MDGA2: variants seen among roughly 807,000 people sequenced by gnomAD.
MDGA2 encodes MAM domain containing glycosylphosphatidylinositol anchor 2.
Under a neutral mutation model 117.8 loss-of-function variants are expected in MDGA2, and 40 were observed. The observed-to-expected ratio is 0.34, with a 90% CI of 0.26 to 0.44. The LOEUF is 0.44. MDGA2 is among the 20% of genes least tolerant of loss of function. The probability of loss-of-function intolerance (pLI) is 1.00; values close to 1 mark genes in which losing one functional copy is unlikely to be tolerated. For missense variants in MDGA2, 1,123 were observed against 1,250.6 expected, an observed-to-expected ratio of 0.90 and a Z score of 1.54; for synonymous variants, 452 against 439.0, an observed-to-expected ratio of 1.03 and a Z score of -0.37.
chr14:47,574,214 A>G (rs1896072957), intron 1 of MDGA2, among the ~76,000 whole-genome samples: 1 of 152,174 alleles, frequency 6.6e-6, no homozygotes, highest in Admixed American at 6.5e-5. Context: ...TCCTTGCTGA[A>G]GATCAGCAAC....
At chr14:47,464,716 T>C (rs929003929) in intron 1 of MDGA2, among the ~76,000 whole-genome samples, 7 of 152,146 alleles carry the variant, frequency 4.6e-5, no homozygotes, top group Non-Finnish European at 1.0e-4. Flanking sequence ...TGCTCATTGA[T>C]AGGAATAATC....
intron 2 of MDGA2, among the ~76,000 whole-genome samples, chr14:47,234,462 T>C (rs949841176): frequency 6.6e-6 from 1 of 152,104 alleles, no homozygotes; most frequent in East Asian, 1.9e-4. Flanking sequence ...GATAAAAACC[T>C]AGGATCTCAG....
At chr14:47,177,083 A>G (rs1481790260) in intron 3 of MDGA2, among the ~76,000 whole-genome samples, 1 of 152,224 alleles carries the variant, frequency 6.6e-6, no homozygotes, top group Non-Finnish European at 1.5e-5. Context: ...AGAGAAATGC[A>G]AATCAAAACC....
intron 1 of MDGA2, among the ~76,000 whole-genome samples, chr14:47,400,957 C>T (rs112317298): frequency 0.11 from 16,386 of 150,694 alleles, 1,108 homozygotes; most frequent in Non-Finnish European, 0.13. Flanking sequence ...CGGGGTTTCA[C>T]CGTGTTAGCC....
At chr14:47,322,339 T>A (rs896771455) in intron 1 of MDGA2, among the ~76,000 whole-genome samples, 3 of 152,222 alleles carry the variant, frequency 2.0e-5, no homozygotes, top group Non-Finnish European at 4.4e-5. Flanking sequence ...AGCTTTAAAG[T>A]GTGAAAATTA....
chr14:47,483,507 CTCT>C (rs1319466643), intron 1 of MDGA2, among the ~76,000 whole-genome samples: 1 of 152,124 alleles, frequency 6.6e-6, no homozygotes, highest in Non-Finnish European at 1.5e-5. Flanking sequence ...TTAAGACTCA[CTCT>C]AATTATTTAT....
At chr14:47,105,941 C>G (rs1207411167) in intron 5 of MDGA2, among the ~76,000 whole-genome samples, 10 of 132,128 alleles carry the variant, frequency 7.6e-5, no homozygotes, top group Non-Finnish European at 1.1e-4. Context: ...CCTCCTCACA[C>G]CTGGTCCGGC....
intron 1 of MDGA2, among the ~76,000 whole-genome samples, chr14:47,640,137 G>T (rs1439068227): frequency 6.6e-6 from 1 of 152,116 alleles, no homozygotes; most frequent in East Asian, 1.9e-4. Flanking sequence ...TGGTCACAAC[G>T]TAAGTCATAT....
At chr14:47,541,605 T>C (rs977886460) in intron 1 of MDGA2, among the ~76,000 whole-genome samples, 57 of 152,142 alleles carry the variant, frequency 3.7e-4, no homozygotes, top group Admixed American at 2.5e-3. Flanking sequence ...AGCCCACACA[T>C]AGTAAATTTT....
At chr14:46,843,609 C>T (rs1045773488) in intron 16 of MDGA2, among the ~76,000 whole-genome samples, 3 of 151,978 alleles carry the variant, frequency 2.0e-5, no homozygotes, top group African/African-American at 4.8e-5. Context: ...AATATATTTT[C>T]ATTTTATATA....
intron 10 of MDGA2, among the ~76,000 whole-genome samples, chr14:46,882,745 G>C (rs1424179565): frequency 1.3e-5 from 2 of 151,740 alleles, no homozygotes; most frequent in Non-Finnish European, 2.9e-5. Flanking sequence ...ATGTACAATA[G>C]AGAAAAATAA....
intron 1 of MDGA2, among the ~76,000 whole-genome samples, chr14:47,658,781 C>T (rs1389527545): frequency 6.6e-6 from 1 of 152,188 alleles, no homozygotes; most frequent in Admixed American, 6.5e-5. Flanking sequence ...TATATTGGCT[C>T]TGCCCCAGGG....
At chr14:47,536,279 A>T (rs1303482453) in intron 1 of MDGA2, among the ~76,000 whole-genome samples, 2 of 152,262 alleles carry the variant, frequency 1.3e-5, no homozygotes, top group African/African-American at 4.8e-5. Context: ...GAATCATTAA[A>T]AACAAACTTA....
intron 10 of MDGA2, among the ~76,000 whole-genome samples, chr14:46,908,370 C>G (rs1193434788): frequency 6.6e-6 from 1 of 152,016 alleles, no homozygotes; most frequent in Non-Finnish European, 1.5e-5. Context: ...TTCTTTGGAG[C>G]TATTTAGGAT....
chr14:47,535,894 G>A (rs569718212), intron 1 of MDGA2, among the ~76,000 whole-genome samples: 32 of 152,324 alleles, frequency 2.1e-4, no homozygotes, highest in Admixed American at 6.5e-4. Flanking sequence ...ACTGCCAGTC[G>A]GCTGGGGATT....
At chr14:47,337,157 T>C (rs1012370595) in intron 1 of MDGA2, among the ~76,000 whole-genome samples, 1 of 152,104 alleles carries the variant, frequency 6.6e-6, no homozygotes, top group African/African-American at 2.4e-5. Context: ...AGTGATACCG[T>C]TTTTATATAA....
At chr14:47,295,482 C>T (rs1889033469) in intron 2 of MDGA2, among the ~76,000 whole-genome samples, 1 of 152,134 alleles carries the variant, frequency 6.6e-6, no homozygotes, top group Non-Finnish European at 1.5e-5. Flanking sequence ...AAAATCTCAA[C>T]ATTTATTTGG....
At chr14:47,667,456 C>T (rs1385543648) in intron 1 of MDGA2, among the ~76,000 whole-genome samples, 1 of 152,184 alleles carries the variant, frequency 6.6e-6, no homozygotes, top group Non-Finnish European at 1.5e-5. Flanking sequence ...ATTAAGAGCC[C>T]TTTATCTCCT....
rs181611870 is a variant in MDGA2 at position 47,314,119 on chromosome 14, C to G, written c.281-12569G>C. Among the ~76,000 whole-genome samples, 4 of 152,222 alleles carry G rather than the reference C, an allele frequency of 2.6e-5. 1 individual carries two copies. Among genetic ancestry groups the G allele is most frequent in the Admixed American group, 6.5e-5 (1 of 15,284 alleles). ...GTGGTTTTTCAGCAAGAGCTCTAAA[C>G]TTAACTGTGTCACACTGGGCAAATG... On this transcript the variant is annotated intron_variant, in intron 1 of 16. Transcript: ENST00000399232.
Sources: allele counts gnomAD v4.1 joint callset (sites outside exome capture counted in the v4.1 genomes callset), GRCh38; gene constraint gnomAD v4.1.1; transcripts MANE v1.5; gene names NCBI Gene and HGNC (gene_info 2026-07-23, HGNC 2026-07-21).